Variants in BCL2L1 observed in about 807,000 individuals in gnomAD.
BCL2L1 encodes bcl-2-like protein 1.
BCL2L1 carries 1 observed loss-of-function variant against 18.7 expected under a neutral mutation model. That is an observed-to-expected ratio of 0.05 (90% CI 0.02 to 0.25). The LOEUF (loss-of-function observed/expected upper bound fraction) is 0.25, where lower values mean the gene tolerates loss of function less well. Ranked by LOEUF, BCL2L1 falls within the 10% of genes least tolerant of loss-of-function variation. The pLI is 1.00. For missense variants in BCL2L1, 207 were observed against 304.9 expected (o/e 0.68, Z 2.39); for synonymous variants, 103 against 122.7 (o/e 0.84, Z 1.06).
chr20:31,679,184 A>T (rs1276555385), intron 2 of BCL2L1, among the ~76,000 whole-genome samples: 2 of 152,152 alleles, frequency 1.3e-5, no homozygotes, highest in East Asian at 3.8e-4. Flanking sequence ...TGGTGAGAAG[A>T]GGGCTAGGGT....
chr20:31,696,277 G>A (rs545757005), intron 2 of BCL2L1, among the ~76,000 whole-genome samples: 5 of 152,288 alleles, frequency 3.3e-5, no homozygotes, highest in African/African-American at 1.2e-4. Context: ...AGACTCAAAG[G>A]GGAGTAAGGC....
At chr20:31,683,133 G>A (rs958019203) in intron 2 of BCL2L1, among the ~76,000 whole-genome samples, 1 of 152,080 alleles carries the variant, frequency 6.6e-6, no homozygotes, top group African/African-American at 2.4e-5. Flanking sequence ...ATCTCACCCA[G>A]AGGAAGAACC....
rs189814313 is a variant in BCL2L1, at chr20:31,702,925, C to T, written c.564+18730G>A. ...GACACTTACTGCACTCCAGCCTGGG[C>T]GACAGGGCAAGACTCCATCTCAAAA... On this transcript the variant is annotated intron_variant, in intron 2 of 2. Transcript: ENST00000307677. Among the ~76,000 whole-genome samples, 52 of 140,724 alleles carry T rather than the reference C, an allele frequency of 3.7e-4. 1 individual carries two copies. Among genetic ancestry groups the T allele is most frequent in the Non-Finnish European group, 6.2e-4 (41 of 65,750 alleles). The allele number at this position is 140,724 out of a possible 152,430, so 92.3% of individuals were successfully genotyped here. A position where few individuals can be genotyped will look rare whatever the true frequency, so the allele number is the denominator to read the frequency against.
At chr20:31,701,027 T>A (rs6060793) in intron 2 of BCL2L1, among the ~76,000 whole-genome samples, 1 of 151,926 alleles carries the variant, frequency 6.6e-6, no homozygotes, top group African/African-American at 2.4e-5. Context: ...AGGTGCAGTC[T>A]GGGACAATCC....
chr20:31,693,163 T>TAAA (rs764386536), intron 2 of BCL2L1, among the ~76,000 whole-genome samples: 2 of 116,206 alleles, frequency 1.7e-5, no homozygotes, highest in Admixed American at 9.2e-5. Context: ...TAGTAAAACT[T>TAAA]AAAAAAAAAA....
rs2061642590 is a variant in BCL2L1 at position 31,722,011 on chromosome 20, C to T, written c.208G>A (p.Gly70Ser). The T allele has an allele frequency of 6.2e-7, 1 of 1,613,706 alleles. No homozygotes were observed. Among genetic ancestry groups the T allele is most frequent in the Non-Finnish European group, 8.5e-7 (1 of 1,179,690 alleles). The change falls in exon 2 of 3, where the codon GGC becomes AGC. Residue 70 changes from glycine to serine, a missense_variant. Coordinates refer to ENST00000307677, the MANE Select transcript of BCL2L1 (RefSeq NM_138578.3). ...ADSPAVNGAT[G>S]HSSSLDAREV... is the part of the protein sequence containing the mutation. ...CGGGCATCCAAACTGCTGCTGTGGCCAGTGGCTCCATTCACCGCGGGGCTG... is the reference window on the plus strand; with the variant it reads ...CGGGCATCCAAACTGCTGCTGTGGCTAGTGGCTCCATTCACCGCGGGGCTG...
At chr20:31,675,992 C>T (rs947080624) in intron 2 of BCL2L1, among the ~76,000 whole-genome samples, 4 of 152,206 alleles carry the variant, frequency 2.6e-5, no homozygotes, top group African/African-American at 9.7e-5. Flanking sequence ...ACTTGCATTT[C>T]TCAGAAAAGG....
At chr20:31,684,616 A>G (rs1463552527) in intron 2 of BCL2L1, among the ~76,000 whole-genome samples, 2 of 152,152 alleles carry the variant, frequency 1.3e-5, no homozygotes, top group African/African-American at 4.8e-5. Flanking sequence ...ATCAGACATT[A>G]AGGAGGGAAG....
chr20:31,717,419 C>G (rs181127207), intron 2 of BCL2L1, among the ~76,000 whole-genome samples: 71 of 152,260 alleles, frequency 4.7e-4, no homozygotes, highest in African/African-American at 1.5e-3. Context: ...TAATTTTCGA[C>G]AGAAGCTAAA....
Position 31,678,227 on chromosome 20 carries a change from C to T in BCL2L1, c.565-12141G>A, listed in dbSNP as rs1311712064. Among the ~76,000 whole-genome samples the T allele has an allele frequency of 2.0e-5, 3 of 152,122 alleles. No individual in the cohort carries two copies. In the East Asian group the frequency reaches 5.8e-4, roughly 29 times the overall value. On this transcript the variant is annotated intron_variant, in intron 2 of 2. Transcript: ENST00000307677. The stretch of plus-strand genomic sequence containing the variant: ...AGTCCAAAGCAGCTTCTCCTTCCTC[C>T]TCTCCACCCAAAGCTATGGCGACTC...
intron 2 of BCL2L1, among the ~76,000 whole-genome samples, chr20:31,678,241 C>T (rs762565982): frequency 6.6e-5 from 10 of 152,168 alleles, no homozygotes; most frequent in Non-Finnish European, 1.5e-4. Flanking sequence ...CCACCCAAAG[C>T]TATGGCGACT....
chr20:31,703,543 G>A (rs1268872007), intron 2 of BCL2L1, among the ~76,000 whole-genome samples: 2 of 149,832 alleles, frequency 1.3e-5, no homozygotes, highest in Admixed American at 6.7e-5. Context: ...CCAGGCTGGC[G>A]TGCAGTGGTG....
rs41293088 is a variant in BCL2L1 at position 31,666,215 on chromosome 20, G to A, written c.565-129C>T. ...ACTGTAGCCATCTGTGCCCACTCTG[G>A]GCCAGGTAAAGGGCTAAGGGTGGTC... On this transcript the variant is annotated intron_variant, in intron 2 of 2. Coordinates refer to ENST00000307677, the MANE Select transcript of BCL2L1 (RefSeq NM_138578.3). 5 of 1,224,138 alleles carry A rather than the reference G, an allele frequency of 4.1e-6. No individual in the cohort carries two copies. The East Asian group carries it at 1.2e-4, about 29-fold the overall frequency. 75.8% of individuals were successfully genotyped at this position (1,224,138 alleles called of 1,614,324 possible). A position where few individuals can be genotyped will look rare whatever the true frequency, so the allele number is the denominator to read the frequency against.
intron 2 of BCL2L1, among the ~76,000 whole-genome samples, chr20:31,672,701 G>C (rs911964522): frequency 1.3e-5 from 2 of 152,200 alleles, no homozygotes; most frequent in African/African-American, 4.8e-5. Context: ...AGGTCACCTT[G>C]TAGGTGCCTG....
chr20:31,688,358 T>A (rs1474165200), intron 2 of BCL2L1, among the ~76,000 whole-genome samples: 1 of 147,688 alleles, frequency 6.8e-6, no homozygotes, highest in Non-Finnish European at 1.5e-5. Context: ...GCAGAAGAAC[T>A]GCTTAAACCC....
At chr20:31,677,687 C>T (rs2060786165) in intron 2 of BCL2L1, among the ~76,000 whole-genome samples, 2 of 152,184 alleles carry the variant, frequency 1.3e-5, no homozygotes, top group Admixed American at 1.3e-4. Flanking sequence ...CACCTAGGGC[C>T]AGGCTGCTTC....
chr20:31,702,926 G>A (rs1184100224), intron 2 of BCL2L1, among the ~76,000 whole-genome samples: 2 of 145,110 alleles, frequency 1.4e-5, no homozygotes, highest in Admixed American at 6.9e-5. Context: ...CAGCCTGGGC[G>A]ACAGGGCAAG....
At chr20:31,717,320 C>A (rs1190329471) in intron 2 of BCL2L1, among the ~76,000 whole-genome samples, 1 of 152,160 alleles carries the variant, frequency 6.6e-6, no homozygotes, top group Non-Finnish European at 1.5e-5. Flanking sequence ...ACTGCTGTTT[C>A]ATGCAGCCCA....
At chr20:31,702,878 G>A (rs541780036) in intron 2 of BCL2L1, among the ~76,000 whole-genome samples, 8 of 149,266 alleles carry the variant, frequency 5.4e-5, no homozygotes, top group African/African-American at 4.9e-5. Flanking sequence ...CCCGGGAGGC[G>A]GAGGTTGCAG....
Sources: gnomAD v4.1 joint callset for allele counts (sites outside exome capture counted in the v4.1 genomes callset) on GRCh38, gnomAD v4.1.1 for gene constraint, MANE v1.5 for transcripts, NCBI Gene and HGNC (gene_info 2026-07-23, HGNC 2026-07-21) for gene names.